The following ZNRF2 variants were observed in gnomAD, a reference collection of about 807,000 sequenced individuals.
ZNRF2 encodes the protein E3 ubiquitin-protein ligase ZNRF2.
ZNRF2 carries 16 observed loss-of-function variants against 20.4 expected under a neutral mutation model. That is an observed-to-expected ratio of 0.79 (90% CI 0.53 to 1.19). The LOEUF is 1.19. Ranked by LOEUF, ZNRF2 falls within the 50% of genes most tolerant of loss-of-function variation. ZNRF2 has a pLI of 0.00. For missense variants in ZNRF2, 363 were observed against 332.4 expected, an observed-to-expected ratio of 1.09 and a Z score of -0.72; for synonymous variants, 178 against 144.9, an observed-to-expected ratio of 1.23 and a Z score of -1.64.
At chr7:30,356,189 A>G (rs911115210) in intron 3 of ZNRF2, among the ~76,000 whole-genome samples, 3 of 152,128 alleles carry the variant, frequency 2.0e-5, no homozygotes, top group Non-Finnish European at 4.4e-5. Context: ...CAGAGTTGAG[A>G]TTCCAGTAGA....
At chr7:30,355,631 G>A in intron 2 of ZNRF2, 97 bp from the exon 3 acceptor site, 1 of 908,892 alleles carries the variant, frequency 1.1e-6, no homozygotes, top group Non-Finnish European at 1.7e-6. Context: ...GCCAAGTAAG[G>A]TGGAATCACA....
At chr7:30,344,031 T>C (rs2033570907) in intron 2 of ZNRF2, among the ~76,000 whole-genome samples, 1 of 150,216 alleles carries the variant, frequency 6.7e-6, no homozygotes, top group African/African-American at 2.4e-5. Flanking sequence ...GCGATTCCCC[T>C]GCCTCAGCCT....
At chr7:30,319,120 A>C (rs1799424786) in intron 1 of ZNRF2, among the ~76,000 whole-genome samples, 1 of 152,054 alleles carries the variant, frequency 6.6e-6, no homozygotes, top group South Asian at 2.1e-4. Flanking sequence ...TCAAAAAAAA[A>C]AAAAAATGTC....
At chr7:30,303,143 C>T (rs1360210894) in intron 1 of ZNRF2, among the ~76,000 whole-genome samples, 9 of 151,412 alleles carry the variant, frequency 5.9e-5, no homozygotes, top group African/African-American at 1.2e-4. Flanking sequence ...ATTATCCGGG[C>T]GTGGTAGTGC....
chr7:30,314,719 T>C (rs1799341392), intron 1 of ZNRF2, among the ~76,000 whole-genome samples: 1 of 152,072 alleles, frequency 6.6e-6, no homozygotes, highest in South Asian at 2.1e-4. Context: ...TTTCACTTGT[T>C]ATGGGGGAAT....
chr7:30,346,129 G>T (rs1799872943), intron 2 of ZNRF2, among the ~76,000 whole-genome samples: 1 of 134,540 alleles, frequency 7.4e-6, no homozygotes, highest in African/African-American at 2.7e-5. Flanking sequence ...GGTGTATATA[G>T]GATTTTTAAT....
intron 1 of ZNRF2, 81 bp from the exon 2 acceptor site, chr7:30,323,560 CT>C (rs1799508197): frequency 3.2e-6 from 3 of 948,490 alleles, no homozygotes; most frequent in Non-Finnish European, 4.6e-6. Context: ...GTTTCAAACG[CT>C]TTTTGATTTT....
In ZNRF2 at chr7:30,362,651, C is replaced by T. The variant is rs1022481216; in HGVS notation, c.*22+195C>T. Among the ~76,000 whole-genome samples, 10 of 152,298 alleles carry T rather than the reference C, an allele frequency of 6.6e-5. No homozygotes were observed. The East Asian group carries it at 1.2e-3, about 18-fold the overall frequency. On this transcript the variant is annotated intron_variant, in intron 4 of 4. Transcript: ENST00000323037. ...ATTGTTGGCTGGGTATGCTGGCTCG[C>T]GCCTGTAATCCCAGCACTTTGGGAG...
intron 1 of ZNRF2, among the ~76,000 whole-genome samples, chr7:30,316,936 G>T (rs902637668): frequency 1.3e-5 from 2 of 152,130 alleles, no homozygotes; most frequent in Non-Finnish European, 2.9e-5. Context: ...CAGGCCTTTT[G>T]CTGCGCTTAT....
intron 2 of ZNRF2, among the ~76,000 whole-genome samples, chr7:30,350,650 CTT>C (rs926643415): frequency 2.4e-4 from 36 of 151,962 alleles, no homozygotes; most frequent in African/African-American, 8.5e-4. Context: ...TAAGAGATAA[CTT>C]AATATCTGAA....
chr7:30,285,113 C>A lies in ZNRF2; in HGVS notation c.-245C>A. On this transcript the variant is annotated 5_prime_UTR_variant, in exon 1 of 5. Coordinates refer to ENST00000323037, the MANE Select transcript of ZNRF2 (RefSeq NM_147128.4). ...CAGCGAGGGGTGCCTGCAGCCGGGA[C>A]CCCTTCCTCTCCGCGTCTCCTCGTC... 2 of 417,612 alleles carry A rather than the reference C, an allele frequency of 4.8e-6. No homozygotes were observed. Among genetic ancestry groups the A allele is most frequent in the Non-Finnish European group, 4.7e-6 (1 of 213,238 alleles). The allele number at this position is 417,612 out of a possible 1,614,324, so 25.9% of individuals were successfully genotyped here.
chr7:30,286,220 G>C (rs553237136), intron 1 of ZNRF2, among the ~76,000 whole-genome samples: 77 of 152,330 alleles, frequency 5.1e-4, no homozygotes, highest in African/African-American at 1.8e-3. Context: ...CTGGGGACTC[G>C]AGTGGGGAAC....
chr7:30,364,765 T>C (rs1388381974), intron 4 of ZNRF2, among the ~76,000 whole-genome samples: 2 of 152,238 alleles, frequency 1.3e-5, no homozygotes, highest in African/African-American at 4.8e-5. Context: ...CATCTATAGA[T>C]AAAATTTGTC....
At chr7:30,361,277 C>T (rs1269142468) in intron 3 of ZNRF2, among the ~76,000 whole-genome samples, 1 of 152,154 alleles carries the variant, frequency 6.6e-6, no homozygotes, top group African/African-American at 2.4e-5. Context: ...CTATATATTT[C>T]GAGAACAAAA....
chr7:30,347,149 A>G (rs1436218655), intron 2 of ZNRF2, among the ~76,000 whole-genome samples: 1 of 152,152 alleles, frequency 6.6e-6, no homozygotes, highest in Non-Finnish European at 1.5e-5. Context: ...ATATACTTAC[A>G]TAGTTAATGA....
chr7:30,359,911 T>G (rs920018307), intron 3 of ZNRF2, among the ~76,000 whole-genome samples: 2 of 152,240 alleles, frequency 1.3e-5, no homozygotes, highest in Non-Finnish European at 2.9e-5. Flanking sequence ...AAAGCAGTGT[T>G]TATCAAAAGC....
intron 2 of ZNRF2, among the ~76,000 whole-genome samples, chr7:30,343,935 T>TTA (rs1168775608): frequency 6.9e-5 from 10 of 145,566 alleles, no homozygotes; most frequent in African/African-American, 2.6e-4. Flanking sequence ...TTTTTTTTTT[T>TTA]AATAGACCGA....
intron 2 of ZNRF2, among the ~76,000 whole-genome samples, chr7:30,335,210 G>T (rs1456864559): frequency 6.6e-6 from 1 of 151,996 alleles, no homozygotes; most frequent in Non-Finnish European, 1.5e-5. Flanking sequence ...TATTAGCCCT[G>T]CCTTTTGGGA....
At chr7:30,336,956 A>G (rs1003883100) in intron 2 of ZNRF2, among the ~76,000 whole-genome samples, 3 of 152,070 alleles carry the variant, frequency 2.0e-5, no homozygotes, top group Non-Finnish European at 4.4e-5. Flanking sequence ...CATAAATTGA[A>G]TTTGGTTGTA....
Sources: gnomAD v4.1 joint callset for allele counts (sites outside exome capture counted in the v4.1 genomes callset) on GRCh38, gnomAD v4.1.1 for gene constraint, MANE v1.5 for transcripts, NCBI Gene and HGNC (gene_info 2026-07-23, HGNC 2026-07-21) for gene names.